The following MCPH1 variants were observed in gnomAD, a reference collection of about 807,000 sequenced individuals.
MCPH1 encodes microcephalin.
A neutral mutation model predicts 84.5 loss-of-function variants in MCPH1; 104 were observed. The observed-to-expected ratio is 1.23, with a 90% CI of 1.05 to 1.45. The LOEUF is 1.45. MCPH1 is among the 40% of genes most tolerant of loss of function. The pLI is 0.00. For missense variants in MCPH1, 1,498 were observed against 1,005.7 expected, an observed-to-expected ratio of 1.49 and a Z score of -6.62; for synonymous variants, 514 against 366.8, an observed-to-expected ratio of 1.40 and a Z score of -4.58.
intron 12 of MCPH1, among the ~76,000 whole-genome samples, chr8:6,620,748 A>G (rs531455469): frequency 6.6e-6 from 1 of 152,304 alleles, no homozygotes; most frequent in Admixed American, 6.5e-5. Context: ...GTTCAGAATA[A>G]CTGGGCCTTC....
At chr8:6,527,687 C>A in intron 12 of MCPH1, 1 of 1,595,042 alleles carries the variant, frequency 6.3e-7, no homozygotes, top group Non-Finnish European at 8.5e-7. Flanking sequence ...CTAAATGTAA[C>A]AAAATGAAGT....
At chr8:6,513,954 C>G (rs7846464) in intron 12 of MCPH1, 2 of 1,075,978 alleles carry the variant, frequency 1.9e-6, no homozygotes, top group Non-Finnish European at 2.6e-6. Flanking sequence ...AGCAGAAATT[C>G]CTTCTGGTGC....
intron 13 of MCPH1, 114 bp from the exon 14 acceptor site, chr8:6,642,880 A>C: frequency 1.0e-6 from 1 of 988,678 alleles, no homozygotes; most frequent in Non-Finnish European, 1.6e-6. Context: ...TATGGACAAC[A>C]CAGCTCTTGG....
intron 12 of MCPH1, among the ~76,000 whole-genome samples, chr8:6,609,962 T>G (rs1206044428): frequency 6.6e-6 from 1 of 152,158 alleles, no homozygotes; most frequent in African/African-American, 2.4e-5. Flanking sequence ...CAACTTTTAT[T>G]TCTGAAACAT....
At chr8:6,497,044 T>C (rs1811318599) in intron 11 of MCPH1, among the ~76,000 whole-genome samples, 1 of 152,230 alleles carries the variant, frequency 6.6e-6, no homozygotes, top group South Asian at 2.1e-4. Context: ...AGAAAATTTC[T>C]TAGGCAGTTA....
At chr8:6,443,690 C>A (rs1221168179) in intron 7 of MCPH1, among the ~76,000 whole-genome samples, 1 of 152,142 alleles carries the variant, frequency 6.6e-6, no homozygotes, top group South Asian at 2.1e-4. Flanking sequence ...GGGGGCAAGG[C>A]CAGGGAGAGC....
intron 12 of MCPH1, among the ~76,000 whole-genome samples, chr8:6,565,068 C>T (rs1420247225): frequency 2.0e-5 from 3 of 152,136 alleles, no homozygotes; most frequent in Admixed American, 2.0e-4. Context: ...AGTGCACCGT[C>T]GAAGAAAGCA....
At chr8:6,481,657 T>A (rs1809258756) in intron 11 of MCPH1, among the ~76,000 whole-genome samples, 1 of 152,240 alleles carries the variant, frequency 6.6e-6, no homozygotes, top group Non-Finnish European at 1.5e-5. Flanking sequence ...ACATGTATTT[T>A]CAAGAATGGC....
chr8:6,620,690 T>G (rs572361291), intron 12 of MCPH1, among the ~76,000 whole-genome samples: 1 of 152,158 alleles, frequency 6.6e-6, no homozygotes, highest in African/African-American at 2.4e-5. Flanking sequence ...TCTCGCAGGG[T>G]GTGTACACTG....
chr8:6,496,233 T>C (rs1388709116), intron 11 of MCPH1, among the ~76,000 whole-genome samples: 2 of 152,142 alleles, frequency 1.3e-5, no homozygotes, highest in East Asian at 1.9e-4. Context: ...ATAAGGAGCA[T>C]GCAACCTAGA....
chr8:6,461,156 C>A (rs533690622), intron 9 of MCPH1, among the ~76,000 whole-genome samples: 1 of 152,044 alleles, frequency 6.6e-6, no homozygotes, highest in Non-Finnish European at 1.5e-5. Context: ...GTGAAAAAAA[C>A]CATGATTCCA....
chr8:6,479,349 C>G (rs879333164), intron 10 of MCPH1, among the ~76,000 whole-genome samples: 5 of 151,994 alleles, frequency 3.3e-5, no homozygotes, highest in African/African-American at 7.3e-5. Context: ...AGACAATAAC[C>G]TCTTCCCCTT....
At chr8:6,434,379 G>A (rs936785881) in intron 4 of MCPH1, among the ~76,000 whole-genome samples, 1 of 152,110 alleles carries the variant, frequency 6.6e-6, no homozygotes, top group Non-Finnish European at 1.5e-5. Flanking sequence ...ATGTTGACAG[G>A]CCAGCACAAT....
chr8:6,489,837 T>A (rs1391981623), intron 11 of MCPH1, among the ~76,000 whole-genome samples: 2 of 152,104 alleles, frequency 1.3e-5, no homozygotes, highest in African/African-American at 4.8e-5. Flanking sequence ...GGCTGAGTTA[T>A]CAGGGAAAAA....
At chr8:6,586,420 G>C (rs1563157955) in intron 12 of MCPH1, among the ~76,000 whole-genome samples, 1 of 152,328 alleles carries the variant, frequency 6.6e-6, no homozygotes, top group East Asian at 1.9e-4. Flanking sequence ...CTGTCCTCCA[G>C]CCTCCACGCT....
chr8:6,607,238 C>G (rs973306137), intron 12 of MCPH1, among the ~76,000 whole-genome samples: 1 of 152,198 alleles, frequency 6.6e-6, no homozygotes, highest in Admixed American at 6.5e-5. Context: ...TCTGAAGACA[C>G]AGAGCACAGA....
In MCPH1 at chr8:6,644,621, T is replaced by C. The variant is rs1798124743; in HGVS notation, c.*1572T>C. ...ACGGAATGAAATACCTAGGAACACG[T>C]ATAACCAAGGAGGCAAAGGATCTCT... On this transcript the variant is annotated 3_prime_UTR_variant, in exon 14 of 14. Transcript: ENST00000344683. 6.6e-6 allele frequency: 1 copy of C among 152,134 alleles called. No individual in the cohort carries two copies. The allele number at this position is 152,134 out of a possible 1,614,324, so 9.4% of individuals were successfully genotyped here.
rs570893317 is a variant in MCPH1, at chr8:6,604,541, A to G, written c.2215-16913A>G. Among the ~76,000 whole-genome samples, 144 of 152,364 alleles carry G rather than the reference A, an allele frequency of 9.5e-4. 2 individuals are homozygous for G. The South Asian group carries it at 0.024, about 26-fold the overall frequency. On this transcript the variant is annotated intron_variant, in intron 12 of 13. Transcript: ENST00000344683. ...TTGTTTTGAGACGGAGTCTCACTCT[A>G]TCGCCCAGGCTGGAGTGCAGTGGCG...
At chr8:6,486,931 C>T (rs1185015671) in intron 11 of MCPH1, among the ~76,000 whole-genome samples, 1 of 152,180 alleles carries the variant, frequency 6.6e-6, no homozygotes, top group East Asian at 1.9e-4. Context: ...TTTCCTGTGA[C>T]TTGTCTAAAA....
Sources: gnomAD v4.1 joint callset for allele counts (sites outside exome capture counted in the v4.1 genomes callset) on GRCh38, gnomAD v4.1.1 for gene constraint, MANE v1.5 for transcripts, NCBI Gene and HGNC (gene_info 2026-07-23, HGNC 2026-07-21) for gene names.